The following ATE1 variants were observed in gnomAD, a reference collection of about 807,000 sequenced individuals.
ATE1 encodes the protein arginyltransferase 1.
ATE1 carries 36 observed loss-of-function variants against 70.5 expected under a neutral mutation model. The observed-to-expected ratio is 0.51, with a 90% CI of 0.39 to 0.67. The LOEUF (loss-of-function observed/expected upper bound fraction) is 0.67, where lower values mean the gene tolerates loss of function less well. ATE1 is among the 30% of genes least tolerant of loss of function. The pLI is 0.00. For synonymous variants in ATE1, 232 were observed against 219.3 expected, an observed-to-expected ratio of 1.06 and a Z score of -0.51; for missense variants, 593 against 629.5, an observed-to-expected ratio of 0.94 and a Z score of 0.62.
At chr10:121,746,492 T>C (rs1944377429) in intron 11 of ATE1, among the ~76,000 whole-genome samples, 1 of 152,250 alleles carries the variant, frequency 6.6e-6, no homozygotes, top group South Asian at 2.1e-4. Context: ...TTTATTTTTC[T>C]AAATTTGAAT....
At position 121,922,409 on chromosome 10, in the gene ATE1, C is replaced by T. The variant is rs1431784683; in HGVS notation, c.173G>A (p.Ser58Asn). The stretch of plus-strand genomic sequence containing the variant: ...GACAGGTTTGTACACATATTTTCCA[C>T]TTCTAAAATTATAAAAATAGTTTGT... ...QDLIDRGWRRSGKYVYKPVMN... is the reference protein window; with the variant it reads ...QDLIDRGWRRNGKYVYKPVMN... The change falls in exon 3 of 12, where the codon AGT (serine) becomes AAT (asparagine). Residue 58 changes from serine to asparagine, a missense_variant and splice_region_variant. By Grantham distance (46) the Ser-to-Asn change is conservative. This residue lies in a region of ATE1 where 467 missense variants were observed against 469.6 expected (regional missense o/e 0.99). Coordinates refer to ENST00000224652, the MANE Select transcript of ATE1 (RefSeq NM_001001976.3). 1 of 1,588,262 alleles carries T rather than the reference C, an allele frequency of 6.3e-7. No homozygotes were observed. The highest frequency in any genetic ancestry group is 1.3e-5 in the African/African-American group (1 of 74,364).
chr10:121,923,823 A>G (rs1052258520), intron 2 of ATE1, among the ~76,000 whole-genome samples: 8 of 152,222 alleles, frequency 5.3e-5, no homozygotes, highest in African/African-American at 2.4e-5. Context: ...AACAGGTAAC[A>G]TCAAAGAATT....
intron 7 of ATE1, among the ~76,000 whole-genome samples, chr10:121,880,714 T>C (rs1479844237): frequency 6.6e-6 from 1 of 152,114 alleles, no homozygotes; most frequent in African/African-American, 2.4e-5. Flanking sequence ...TACTACTGAC[T>C]AGATGAAAAT....
intron 10 of ATE1, among the ~76,000 whole-genome samples, chr10:121,817,518 G>A (rs562238889): frequency 2.0e-4 from 28 of 138,194 alleles, no homozygotes; most frequent in African/African-American, 3.3e-4. Context: ...CAGCCTGGGC[G>A]ACAGAGCGAG....
At chr10:121,869,714 C>T (rs1471331343) in intron 8 of ATE1, among the ~76,000 whole-genome samples, 1 of 152,064 alleles carries the variant, frequency 6.6e-6, no homozygotes, top group African/African-American at 2.4e-5. Context: ...AATGAAGATA[C>T]AACAAGCCTC....
At chr10:121,779,813 C>T (rs1424577516) in intron 11 of ATE1, among the ~76,000 whole-genome samples, 1 of 152,190 alleles carries the variant, frequency 6.6e-6, no homozygotes, top group Non-Finnish European at 1.5e-5. Flanking sequence ...TCTAGTCCCA[C>T]TAAAACTAAA....
intron 11 of ATE1, among the ~76,000 whole-genome samples, chr10:121,751,657 G>C (rs1944583813): frequency 6.6e-6 from 1 of 152,062 alleles, no homozygotes; most frequent in African/African-American, 2.4e-5. Context: ...TAATTGGGTT[G>C]TCTTTTTATT....
chr10:121,912,772 T>G, intron 4 of ATE1, among the ~76,000 whole-genome samples: 1 of 149,236 alleles, frequency 6.7e-6, no homozygotes, highest in South Asian at 2.1e-4. Context: ...GGAGACAGAG[T>G]CTTGCTCTGT....
intron 1 of ATE1, 76 bp downstream of exon 1, chr10:121,927,768 C>G (rs1197955242): frequency 6.8e-7 from 1 of 1,461,640 alleles, no homozygotes; most frequent in Non-Finnish European, 9.1e-7. Context: ...GGCCCCCTCG[C>G]GTCCTCGCTG....
rs573119164 is a variant in ATE1, at chr10:121,891,164, T to C, written c.942+8702A>G. 2.2e-3 allele frequency among the ~76,000 whole-genome samples: 341 copies of C among 152,292 alleles called. 1 individual carries two copies. The highest frequency in any genetic ancestry group is 7.9e-3 in the African/African-American group (330 of 41,558). The stretch of plus-strand genomic sequence containing the variant: ...TTGCCCAAAAAGGGTCTCCAGTTTG[T>C]GGCAGAAGGCAATCGGTTTTGTACA... On this transcript the variant is annotated intron_variant, in intron 7 of 11. Transcript: ENST00000224652.
chr10:121,882,217 G>C (rs1400744023), intron 7 of ATE1, among the ~76,000 whole-genome samples: 1 of 152,072 alleles, frequency 6.6e-6, no homozygotes, highest in African/African-American at 2.4e-5. Context: ...TATTTGAATA[G>C]GCTGATTTTA....
chr10:121,766,809 T>C (rs971542034), intron 11 of ATE1, among the ~76,000 whole-genome samples: 2 of 152,094 alleles, frequency 1.3e-5, no homozygotes, highest in African/African-American at 4.8e-5. Context: ...TCTGAAAACC[T>C]CCATTCCCAG....
At chr10:121,911,833 G>A (rs954668985) in intron 4 of ATE1, among the ~76,000 whole-genome samples, 7 of 151,802 alleles carry the variant, frequency 4.6e-5, no homozygotes, top group African/African-American at 1.5e-4. Flanking sequence ...TGCAAGCTCC[G>A]CCTCCCAAGT....
chr10:121,829,475 C>T (rs1301840113), intron 10 of ATE1, among the ~76,000 whole-genome samples: 2 of 149,428 alleles, frequency 1.3e-5, no homozygotes, highest in African/African-American at 2.5e-5. Flanking sequence ...CTGGCAAGGC[C>T]GAGGCAGGTG....
chr10:121,754,708 A>G (rs1197497952), intron 11 of ATE1, among the ~76,000 whole-genome samples: 1 of 152,222 alleles, frequency 6.6e-6, no homozygotes, highest in Non-Finnish European at 1.5e-5. Flanking sequence ...ACAATAGGAT[A>G]TTTACACCAT....
intron 10 of ATE1, among the ~76,000 whole-genome samples, chr10:121,790,950 GTGTATATATATA>G (rs1036591287): frequency 1.3e-4 from 2 of 15,650 alleles, no homozygotes; most frequent in Admixed American, 1.0e-3. Flanking sequence ...ACATATATAT[GTGTATATATATA>G]TGTGTGTGTA....
At chr10:121,818,668 T>C (rs1433518398) in intron 10 of ATE1, among the ~76,000 whole-genome samples, 1 of 152,258 alleles carries the variant, frequency 6.6e-6, no homozygotes. Context: ...CACTGGATTA[T>C]CATCTTGGGA....
At chr10:121,760,063 T>C (rs1944976346) in intron 11 of ATE1, among the ~76,000 whole-genome samples, 1 of 152,232 alleles carries the variant, frequency 6.6e-6, no homozygotes, top group Non-Finnish European at 1.5e-5. Context: ...TTTTACTGAA[T>C]ATTTTAAGCC....
chr10:121,841,155 A>C lies in ATE1; in HGVS notation c.1084T>G (p.Cys362Gly), dbSNP rs145195524. ...TAGTACAAATACACAGATGATACAC[A>C]GTTTGGGAGGATGTCAATCACCCCC... ...AVGVIDILPN[C>G]VSSVYLYYDP... The change falls in exon 9 of 12, where the codon TGT becomes GGT. Residue 362 changes from cysteine (C) to glycine (G), a missense_variant. Physicochemically the swap from Cys to Gly is radical, Grantham distance 159 (BLOSUM62 -3). This residue lies in a region of ATE1 where 467 missense variants were observed against 469.6 expected (regional missense o/e 0.99). Coordinates refer to ENST00000224652, the MANE Select transcript of ATE1 (RefSeq NM_001001976.3). 27 of 1,599,358 alleles carry C rather than the reference A, an allele frequency of 1.7e-5. No homozygotes were observed. Among genetic ancestry groups the C allele is most frequent in the Non-Finnish European group, 2.1e-5 (25 of 1,170,792 alleles).
Sources: allele counts gnomAD v4.1 joint callset (sites outside exome capture counted in the v4.1 genomes callset), GRCh38; gene constraint gnomAD v4.1.1; regional missense constraint gnomAD v4.1.1; transcripts MANE v1.5; gene names NCBI Gene and HGNC (gene_info 2026-07-23, HGNC 2026-07-21).